MTR: variants seen among roughly 807,000 people sequenced by gnomAD.
MTR encodes methionine synthase.
In MTR, 84 loss-of-function variants were observed where a neutral mutation model predicts 154.8. The observed-to-expected ratio is 0.54, with a 90% confidence interval of 0.45 to 0.65. MTR has a LOEUF of 0.65. Among genes scored for constraint, MTR ranks in the 30% least tolerant of loss-of-function variants. The probability of loss-of-function intolerance (pLI) is 0.00; values close to 1 mark genes in which losing one functional copy is unlikely to be tolerated. For missense variants in MTR, 1,275 were observed against 1,570.2 expected, an observed-to-expected ratio of 0.81 and a Z score of 3.18; for synonymous variants, 554 against 553.9, an observed-to-expected ratio of 1.00 and a Z score of 0.00.
At chr1:236,894,884 A>G (rs2147952420) in intron 30 of MTR, 1 of 394,428 alleles carries the variant, frequency 2.5e-6, no homozygotes, top group East Asian at 5.5e-5. Flanking sequence ...CAAAAAATTA[A>G]AAACAAATTT....
chr1:236,797,387 T>C (rs548512315), intron 1 of MTR, among the ~76,000 whole-genome samples: 1 of 152,234 alleles, frequency 6.6e-6, no homozygotes, highest in Non-Finnish European at 1.5e-5. Flanking sequence ...AGGAGGATGG[T>C]GGGCTAGCAA....
At position 236,900,640 on chromosome 1, in the gene MTR, A is replaced by G. The variant is rs1404337364; in HGVS notation, c.*2996A>G. The G allele has an allele frequency of 6.6e-6, 1 of 151,560 alleles. No individual in the cohort carries two copies. Among genetic ancestry groups the G allele is most frequent in the Admixed American group, 6.6e-5 (1 of 15,256 alleles). 9.4% of individuals were successfully genotyped at this position (151,560 alleles called of 1,614,324 possible). ...ATGTTCTACTTAAATATATTATAAA[A>G]AATAAAGGCAAAGTGGAATGATAAC... On this transcript the variant is annotated 3_prime_UTR_variant, in exon 33 of 33. Coordinates refer to ENST00000366577, the MANE Select transcript of MTR (RefSeq NM_000254.3).
intron 13 of MTR, among the ~76,000 whole-genome samples, chr1:236,833,026 CTT>C (rs994103318): frequency 6.6e-6 from 1 of 151,992 alleles, no homozygotes; most frequent in Non-Finnish European, 1.5e-5. Flanking sequence ...CACAGGGTGA[CTT>C]TTTTTTGTGT....
At chr1:236,889,121 G>A (rs1338929547) in intron 27 of MTR, 60 bp from the exon 28 acceptor site, 1 of 1,601,172 alleles carries the variant, frequency 6.2e-7, no homozygotes, top group Non-Finnish European at 8.6e-7. Context: ...AGCTGGCAGG[G>A]AGGCCTCCAT....
At chr1:236,819,818 G>C in intron 8 of MTR, 1 of 762,410 alleles carries the variant, frequency 1.3e-6, no homozygotes, top group Non-Finnish European at 2.4e-6. Flanking sequence ...TACAGCTGGC[G>C]GCTTGTGCCA....
Position 236,902,700 on chromosome 1 carries a change from TTCTC to T in MTR, c.*5063_*5066del, listed in dbSNP as rs1181898575. The T allele has an allele frequency of 2.0e-5, 3 of 152,106 alleles. No individual in the cohort carries two copies. Among genetic ancestry groups the T allele is most frequent in the Admixed American group, 6.6e-5 (1 of 15,264 alleles). The allele number at this position is 152,106 out of a possible 1,614,324, so 9.4% of individuals were successfully genotyped here. On this transcript the variant is annotated 3_prime_UTR_variant, in exon 33 of 33. Coordinates refer to ENST00000366577, the MANE Select transcript of MTR (RefSeq NM_000254.3). ...TCGGGGCGGGGGGAGCATGATGGTT[TTCTC>T]TCTCTCAGAAAGAAAGCGCTGTATC...
At chr1:236,849,763 A>G (rs1663791820) in intron 15 of MTR, among the ~76,000 whole-genome samples, 2 of 152,168 alleles carry the variant, frequency 1.3e-5, no homozygotes, top group Admixed American at 1.3e-4. Context: ...GTAAAGACTA[A>G]TTTGTATTTA....
In MTR at chr1:236,903,429, A is replaced by T. The variant is rs1310037765; in HGVS notation, c.*5785A>T. ...GTTTTTTTAACACTTGGAATATCTAATTCCATTTACACTGCATTCTTCAAA... is the reference window on the plus strand; with the variant it reads ...GTTTTTTTAACACTTGGAATATCTATTTCCATTTACACTGCATTCTTCAAA... On this transcript the variant is annotated 3_prime_UTR_variant, in exon 33 of 33. Transcript: ENST00000366577. 1 of 152,148 alleles carries T rather than the reference A, an allele frequency of 6.6e-6. No individual in the cohort carries two copies. The highest frequency in any genetic ancestry group is 6.5e-5 in the Admixed American group (1 of 15,274). The allele number at this position is 152,148 out of a possible 1,614,324, so 9.4% of individuals were successfully genotyped here.
intron 8 of MTR, chr1:236,819,746 C>T: frequency 2.7e-6 from 2 of 743,398 alleles, no homozygotes; most frequent in South Asian, 2.7e-5. Flanking sequence ...TGAAGCAGTA[C>T]ATCTATAAAA....
intron 18 of MTR, among the ~76,000 whole-genome samples, chr1:236,859,357 A>G (rs1664390501): frequency 6.6e-6 from 1 of 152,224 alleles, no homozygotes; most frequent in Admixed American, 6.5e-5. Flanking sequence ...TTTGGAGGAC[A>G]CCTTCAAACC....
intron 1 of MTR, 135 bp downstream of exon 1, chr1:236,795,872 A>C: frequency 1.4e-6 from 2 of 1,389,600 alleles, no homozygotes; most frequent in Non-Finnish European, 2.0e-6. Context: ...CGGCACCTTT[A>C]GAACTTAGCG....
intron 15 of MTR, among the ~76,000 whole-genome samples, chr1:236,849,878 G>A (rs1663799810): frequency 6.6e-6 from 1 of 152,210 alleles, no homozygotes; most frequent in African/African-American, 2.4e-5. Flanking sequence ...ATCTGAGAAA[G>A]CAATGGCAGT....
At chr1:236,817,626 A>T (rs1338908762) in intron 8 of MTR, among the ~76,000 whole-genome samples, 2 of 152,204 alleles carry the variant, frequency 1.3e-5, no homozygotes, top group African/African-American at 2.4e-5. Context: ...AACTCGCCCA[A>T]GGTGAAGTAA....
intron 29 of MTR, among the ~76,000 whole-genome samples, chr1:236,893,389 C>T (rs1666442332): frequency 6.6e-6 from 1 of 152,130 alleles, no homozygotes; most frequent in Non-Finnish European, 1.5e-5. Context: ...ATTGATCAGT[C>T]CTGAGCAGTA....
intron 25 of MTR, among the ~76,000 whole-genome samples, chr1:236,883,016 A>G (rs1216244378): frequency 6.6e-6 from 1 of 152,224 alleles, no homozygotes; most frequent in Non-Finnish European, 1.5e-5. Context: ...GCTATCTCAT[A>G]TATTTGGAAG....
At chr1:236,878,165 A>C (rs1399537374) in intron 24 of MTR, among the ~76,000 whole-genome samples, 1 of 152,150 alleles carries the variant, frequency 6.6e-6, no homozygotes, top group Non-Finnish European at 1.5e-5. Context: ...TTTGGATAAC[A>C]AAAGTCTTAA....
chr1:236,826,711 C>G, intron 10 of MTR, 118 bp from the exon 11 acceptor site: 5 of 802,442 alleles, frequency 6.2e-6, no homozygotes, highest in Non-Finnish European at 8.8e-6. Context: ...ATGTTTGACT[C>G]TCTTTTTAGT....
At chr1:236,865,711 C>T (rs543916780) in intron 22 of MTR, among the ~76,000 whole-genome samples, 2 of 152,260 alleles carry the variant, frequency 1.3e-5, no homozygotes, top group South Asian at 2.1e-4. Context: ...AGGATGTATT[C>T]ACCAAGAATC....
At chr1:236,886,259 G>A in intron 26 of MTR, 33 bp from the exon 27 acceptor site, 1 of 1,574,716 alleles carries the variant, frequency 6.4e-7, no homozygotes, top group Non-Finnish European at 8.7e-7. Context: ...AAAGCTAAGA[G>A]TGTCTAACTA....
Sources: allele counts gnomAD v4.1 joint callset (sites outside exome capture counted in the v4.1 genomes callset), GRCh38; gene constraint gnomAD v4.1.1; transcripts MANE v1.5; gene names NCBI Gene and HGNC (gene_info 2026-07-23, HGNC 2026-07-21).